Variants in PECAM1 observed in about 807,000 individuals in gnomAD.
The protein encoded by PECAM1 is platelet and endothelial cell adhesion molecule 1.
In PECAM1, 8 loss-of-function variants were observed where a neutral mutation model predicts 13.8. That is an observed-to-expected ratio of 0.58 (90% CI 0.34 to 1.05). The LOEUF (loss-of-function observed/expected upper bound fraction) is 1.05, where lower values mean the gene tolerates loss of function less well. PECAM1 is among the 50% of genes least tolerant of loss of function. The pLI is 0.03. For missense variants in PECAM1, 304 were observed against 141.2 expected (o/e 2.15, Z -5.84); for synonymous variants, 136 against 52.6 (o/e 2.58, Z -6.86).
chr17:64,362,655 A>AAAT (rs2036010518), intron 6 of PECAM1, among the ~76,000 whole-genome samples: 3 of 150,570 alleles, frequency 2.0e-5, no homozygotes, highest in Admixed American at 6.6e-5. Flanking sequence ...GCATCTCAAA[A>AAAT]AAATAAATAA....
chr17:64,333,004 T>C (rs1179949449), intron 14 of PECAM1, among the ~76,000 whole-genome samples: 1 of 151,986 alleles, frequency 6.6e-6, no homozygotes, highest in East Asian at 1.9e-4. Context: ...AATACAAAAA[T>C]TAGCTGGGCG....
chr17:64,356,022 C>A, intron 8 of PECAM1, 89 bp downstream of exon 8: 2 of 456,014 alleles, frequency 4.4e-6, no homozygotes, highest in Non-Finnish European at 7.8e-6. Flanking sequence ...AAGCTAGACT[C>A]CCCCCCAACT....
chr17:64,335,070 G>A (rs1251983923), intron 14 of PECAM1, among the ~76,000 whole-genome samples: 4 of 152,054 alleles, frequency 2.6e-5, no homozygotes, highest in South Asian at 4.1e-4. Context: ...AGAAATGCAC[G>A]TTTTCGGCAC....
At position 64,321,669 on chromosome 17, in the gene PECAM1, G is replaced by A. The variant is rs2034813559; in HGVS notation, c.*2147C>T. On this transcript the variant is annotated 3_prime_UTR_variant, in exon 16 of 16. Transcript: ENST00000563924. ...CCAGCTACCCAGGAAGCTGAGATGGGAGGATCGCTTGAGCCCAGGGGTTCG... is the reference window on the plus strand; with the variant it reads ...CCAGCTACCCAGGAAGCTGAGATGGAAGGATCGCTTGAGCCCAGGGGTTCG... 3.3e-6 allele frequency: 2 copies of A among 613,040 alleles called. No homozygotes were observed. The highest frequency in any genetic ancestry group is 7.8e-4 in the Middle Eastern group (1 of 1,276). 38.0% of individuals were successfully genotyped at this position (613,040 alleles called of 1,614,324 possible).
intron 4 of PECAM1, 30 bp downstream of exon 4, chr17:64,375,021 G>A (rs2036325943): frequency 4.2e-6 from 2 of 472,288 alleles, no homozygotes; most frequent in Non-Finnish European, 7.8e-6. Flanking sequence ...AAACCACAAA[G>A]AACGATGAGG....
At chr17:64,371,474 C>T (rs1013482757) in intron 4 of PECAM1, among the ~76,000 whole-genome samples, 27 of 151,856 alleles carry the variant, frequency 1.8e-4, no homozygotes, top group African/African-American at 6.3e-4. Flanking sequence ...GAGTTTAAGA[C>T]CAGCCTGGGA....
intron 14 of PECAM1, among the ~76,000 whole-genome samples, chr17:64,339,078 T>C (rs2035360814): frequency 6.6e-6 from 1 of 152,082 alleles, no homozygotes; most frequent in Non-Finnish European, 1.5e-5. Context: ...CCTCACCACC[T>C]ATAAAAGGGC....
In PECAM1 at chr17:64,322,588, T is replaced by C; in HGVS notation, c.*1228A>G. 7.1e-6 allele frequency: 7 copies of C among 985,376 alleles called. No individual in the cohort carries two copies. The highest frequency in any genetic ancestry group is 8.4e-6 in the Non-Finnish European group (7 of 829,932). 61.0% of individuals were successfully genotyped at this position (985,376 alleles called of 1,614,324 possible). A position where few individuals can be genotyped will look rare whatever the true frequency, so the allele number is the denominator to read the frequency against. On this transcript the variant is annotated 3_prime_UTR_variant, in exon 16 of 16. Coordinates refer to ENST00000563924, the MANE Select transcript of PECAM1 (RefSeq NM_000442.5). ...TCACTGAGGCAAACAGGAAAAGTGATTTTGGCTAGGCGTGGTTCTCATCTG... is the reference window on the plus strand; with the variant it reads ...TCACTGAGGCAAACAGGAAAAGTGACTTTGGCTAGGCGTGGTTCTCATCTG...
At chr17:64,331,220 G>A (rs1484845965) in intron 14 of PECAM1, among the ~76,000 whole-genome samples, 14 of 149,768 alleles carry the variant, frequency 9.3e-5, no homozygotes, top group African/African-American at 3.2e-4. Flanking sequence ...TTTTTGAGAC[G>A]GGGTCTAGCT....
rs1283371181 is a variant in PECAM1 at position 64,320,633 on chromosome 17, T to C, written c.*3183A>G. 5 of 152,290 alleles carry C rather than the reference T, an allele frequency of 3.3e-5. No individual in the cohort carries two copies. The highest frequency in any genetic ancestry group is 1.2e-4 in the African/African-American group (5 of 41,452). 9.4% of individuals were successfully genotyped at this position (152,290 alleles called of 1,614,324 possible). A position where few individuals can be genotyped will look rare whatever the true frequency, so the allele number is the denominator to read the frequency against. The stretch of plus-strand genomic sequence containing the variant: ...TGACGCTTGTCACACTGCTTTGTAA[T>C]TGGCTCTCTGTTAGTCTGCATCTCT... On this transcript the variant is annotated 3_prime_UTR_variant, in exon 16 of 16. Coordinates refer to ENST00000563924, the MANE Select transcript of PECAM1 (RefSeq NM_000442.5).
intron 14 of PECAM1, among the ~76,000 whole-genome samples, chr17:64,340,085 G>A (rs1409953626): frequency 2.0e-5 from 3 of 152,214 alleles, no homozygotes; most frequent in East Asian, 1.9e-4. Context: ...GGTGTTGCAC[G>A]GAGTTGCAGT....
chr17:64,344,668 G>A (rs2035519508), intron 13 of PECAM1, among the ~76,000 whole-genome samples: 1 of 152,060 alleles, frequency 6.6e-6, no homozygotes, highest in African/African-American at 2.4e-5. Context: ...CACTGGCCTT[G>A]TACCCACAAA....
At chr17:64,344,402 C>G (rs2035512450) in intron 13 of PECAM1, among the ~76,000 whole-genome samples, 1 of 152,076 alleles carries the variant, frequency 6.6e-6, no homozygotes, top group African/African-American at 2.4e-5. Flanking sequence ...ATTTTGGCTT[C>G]TGTTTTTCTC....
chr17:64,337,830 G>T (rs2035321007), intron 14 of PECAM1, among the ~76,000 whole-genome samples: 2 of 151,934 alleles, frequency 1.3e-5, no homozygotes, highest in Admixed American at 1.3e-4. Context: ...TTTGGCATAA[G>T]GATTGTTTTG....
At chr17:64,324,638 A>G (rs1439758795) in intron 15 of PECAM1, among the ~76,000 whole-genome samples, 3 of 152,356 alleles carry the variant, frequency 2.0e-5, no homozygotes, top group South Asian at 4.1e-4. Context: ...AATTTTGAAA[A>G]TGAAGGACTG....
chr17:64,390,244 C>A (rs1008900777), intron 2 of PECAM1: 110 of 391,558 alleles, frequency 2.8e-4, no homozygotes, highest in East Asian at 4.4e-4. Flanking sequence ...TCAAGATAAC[C>A]CACTACTTTC....
At chr17:64,358,770 C>A (rs991005661) in intron 7 of PECAM1, among the ~76,000 whole-genome samples, 1 of 151,958 alleles carries the variant, frequency 6.6e-6, no homozygotes, top group African/African-American at 2.4e-5. Flanking sequence ...ATGCCTCACA[C>A]CATTAGGTGC....
At chr17:64,346,492 C>T (rs897585603) in intron 13 of PECAM1, among the ~76,000 whole-genome samples, 2 of 152,196 alleles carry the variant, frequency 1.3e-5, no homozygotes, top group African/African-American at 2.4e-5. Context: ...TGCGCCACCA[C>T]GCCCAGCTAA....
At chr17:64,335,678 C>T (rs2035258199) in intron 14 of PECAM1, among the ~76,000 whole-genome samples, 1 of 152,154 alleles carries the variant, frequency 6.6e-6, no homozygotes, top group Non-Finnish European at 1.5e-5. Flanking sequence ...TCCCCATCTG[C>T]AGAGCAAGAA....
Sources: gnomAD v4.1 joint callset for allele counts (sites outside exome capture counted in the v4.1 genomes callset) on GRCh38, gnomAD v4.1.1 for gene constraint, MANE v1.5 for transcripts, NCBI Gene and HGNC (gene_info 2026-07-23, HGNC 2026-07-21) for gene names.